Variants in RYR3 observed in about 807,000 individuals in gnomAD.
RYR3 encodes the protein brain ryanodine receptor-calcium release channel.
A neutral mutation model predicts 584.3 loss-of-function variants in RYR3; 207 were observed. The ratio of observed to expected loss-of-function variants is 0.35; its 90% CI spans 0.32 to 0.40. The LOEUF is 0.40. Ranked by LOEUF, RYR3 falls within the 10% of genes least tolerant of loss-of-function variation. RYR3 has a pLI of 1.00. For synonymous variants in RYR3, 2,416 were observed against 2,248.5 expected (o/e 1.07, Z -2.11); for missense variants, 5,616 against 6,089.2 (o/e 0.92, Z 2.59).
At chr15:33,721,962 C>G (rs1172199133) in intron 43 of RYR3, among the ~76,000 whole-genome samples, 1 of 152,178 alleles carries the variant, frequency 6.6e-6, no homozygotes, top group African/African-American at 2.4e-5. Flanking sequence ...CTAACCTCTG[C>G]CTTCCCACAG....
rs199964506 is a variant in RYR3 at position 33,841,871 on chromosome 15, G to T, written c.13045G>T (p.Asp4349Tyr). Residue 4349 changes from aspartate (D) to tyrosine (Y), a missense_variant, in exon 91 of 104, where the codon GAT (aspartate) becomes TAT (tyrosine). Physicochemically the swap from Asp to Tyr is radical, Grantham distance 160. This residue lies in a region of RYR3 where 918 missense variants were observed against 887.4 expected (regional missense o/e 1.03). Transcript: ENST00000634891. ...GGTTTCCCATTTCTGCAGCATGGAA[G>T]ATGGAGAGAAGGAAGACAAAGACAA... ...KVESEKADME[D>Y]GEKEDKDKEE... 6.0e-5 allele frequency: 96 copies of T among 1,592,372 alleles called. No individual in the cohort carries two copies. The African/African-American group carries it at 1.2e-3, about 21-fold the overall frequency.
intron 62 of RYR3, among the ~76,000 whole-genome samples, chr15:33,770,104 TAG>T (rs997333753): frequency 1.8e-4 from 26 of 145,628 alleles, no homozygotes; most frequent in African/African-American, 6.4e-4. Context: ...CTGAATAATG[TAG>T]AGAGACCTCA....
chr15:33,776,478 G>A (rs1294005989), intron 64 of RYR3, among the ~76,000 whole-genome samples: 7 of 152,174 alleles, frequency 4.6e-5, no homozygotes, highest in Admixed American at 6.5e-5. Context: ...TCTCAGTTTT[G>A]TTTCAAATGA....
At chr15:33,599,915 C>T (rs1365265757) in intron 16 of RYR3, among the ~76,000 whole-genome samples, 2 of 152,174 alleles carry the variant, frequency 1.3e-5, no homozygotes, top group African/African-American at 2.4e-5. Flanking sequence ...GCTGTTCCTA[C>T]TGTATGTGGA....
chr15:33,358,805 T>C (rs1294581265), intron 1 of RYR3, among the ~76,000 whole-genome samples: 2 of 152,224 alleles, frequency 1.3e-5, no homozygotes, highest in Non-Finnish European at 2.9e-5. Context: ...AGGCACTTTC[T>C]TCTCCTGAGG....
At chr15:33,419,498 A>G (rs1446873819) in intron 1 of RYR3, among the ~76,000 whole-genome samples, 2 of 152,034 alleles carry the variant, frequency 1.3e-5, no homozygotes, top group African/African-American at 2.4e-5. Flanking sequence ...CCTTCCTTCC[A>G]TCTATCATTC....
In RYR3 at chr15:33,853,617, C is replaced by G. The variant is rs372037224; in HGVS notation, c.13734C>G (p.Asp4578Glu). 3.7e-6 allele frequency: 6 copies of G among 1,613,804 alleles called. No individual in the cohort carries two copies. Among genetic ancestry groups the G allele is most frequent in the Non-Finnish European group, 5.1e-6 (6 of 1,179,888 alleles). Residue 4578 changes from aspartate to glutamate, a missense_variant, in exon 96 of 104, where the codon GAC becomes GAG. Around this residue, in one of 9 missense-constraint regions of RYR3, gnomAD observed 918 missense variants for 887.4 expected, o/e 1.03. Transcript: ENST00000634891. Reference sequence around the variant, plus strand: ...GCATTGCTGAACTTCTGGGTTTGGACAAAAATGCTCTTGACTTTAGCCCAG... The same window carrying G: ...GCATTGCTGAACTTCTGGGTTTGGAGAAAAATGCTCTTGACTTTAGCCCAG... ...AERIAELLGL[D>E]KNALDFSPVE...
intron 1 of RYR3, among the ~76,000 whole-genome samples, chr15:33,466,303 A>G (rs2048482002): frequency 6.6e-6 from 1 of 152,228 alleles, no homozygotes; most frequent in Non-Finnish European, 1.5e-5. Flanking sequence ...GTGCTAGTGA[A>G]CAGAAAAAAC....
chr15:33,789,579 G>A (rs1370920245), intron 67 of RYR3, among the ~76,000 whole-genome samples: 7 of 118,652 alleles, frequency 5.9e-5, no homozygotes, highest in African/African-American at 2.3e-4. Flanking sequence ...ACTAAACATC[G>A]CTGATTGCAA....
In RYR3 at chr15:33,531,647, A is replaced by ATT. The variant is rs5811767; in HGVS notation, c.354+989_354+990dup. On this transcript the variant is annotated intron_variant, in intron 4 of 103. Transcript: ENST00000634891. Reference sequence around the variant, plus strand: ...TTTGCTGCAGCATATATATATATATATTTTTTTTTCTGAGCACTGGTAAGA... The same window carrying ATT: ...TTTGCTGCAGCATATATATATATATATTTTTTTTTTTCTGAGCACTGGTAAGA... 9.0e-3 allele frequency among the ~76,000 whole-genome samples: 1,232 copies of ATT among 137,638 alleles called. 12 individuals carry two copies. The highest frequency in any genetic ancestry group is 0.011 in the Non-Finnish European group (686 of 61,256). The allele number at this position is 137,638 out of a possible 152,430, so 90.3% of individuals were successfully genotyped here.
intron 57 of RYR3, among the ~76,000 whole-genome samples, chr15:33,750,894 C>T (rs1036903857): frequency 6.6e-6 from 1 of 152,286 alleles, no homozygotes; most frequent in Admixed American, 6.5e-5. Context: ...CCCACAGGCC[C>T]TGGGGTGTGA....
chr15:33,503,797 G>T, intron 3 of RYR3, 59 bp downstream of exon 3: 2 of 964,488 alleles, frequency 2.1e-6, no homozygotes, highest in Non-Finnish European at 3.3e-6. Flanking sequence ...CCCAAAATAC[G>T]TTCTACATTT....
intron 1 of RYR3, among the ~76,000 whole-genome samples, chr15:33,470,884 T>A (rs553935601): frequency 6.6e-6 from 1 of 152,276 alleles, no homozygotes; most frequent in African/African-American, 2.4e-5. Context: ...TGCCCAGATC[T>A]GATTTAAAGC....
At position 33,311,004 on chromosome 15, in the gene RYR3, A is replaced by G; in HGVS notation, c.-42A>G. The G allele has an allele frequency of 6.5e-7, 1 of 1,532,670 alleles. No homozygotes were observed. Among genetic ancestry groups the G allele is most frequent in the Non-Finnish European group, 8.9e-7 (1 of 1,129,218 alleles). 94.9% of individuals were successfully genotyped at this position (1,532,670 alleles called of 1,614,324 possible). ...ACGCCGAGCGGCTGCCGGGGGAAGC[A>G]GAGGCGCCGGAGGCTGGGGCACCGC... On this transcript the variant is annotated 5_prime_UTR_variant, in exon 1 of 104. Transcript: ENST00000634891. The surrounding 1 kb of genome is among the most constrained non-coding windows in gnomAD (Gnocchi z 4.4).
chr15:33,619,792 T>A (rs1055017314), intron 19 of RYR3, among the ~76,000 whole-genome samples: 5 of 152,050 alleles, frequency 3.3e-5, no homozygotes, highest in African/African-American at 1.2e-4. Context: ...CCCTCTAGAG[T>A]TGAGACCCAG....
At chr15:33,402,145 T>G (rs116746208) in intron 1 of RYR3, among the ~76,000 whole-genome samples, 1 of 152,298 alleles carries the variant, frequency 6.6e-6, no homozygotes, top group African/African-American at 2.4e-5. Context: ...ATGTTGCATT[T>G]CAACATTTAA....
rs201961808 is a variant in RYR3, at chr15:33,772,017, A to G, written c.8914A>G (p.Lys2972Glu). The change falls in exon 63 of 104, where the codon AAA (lysine) becomes GAA (glutamate). Residue 2972 changes from lysine to glutamate, a missense_variant. Coordinates refer to ENST00000634891, the MANE Select transcript of RYR3 (RefSeq NM_001036.6). ...EDLEKTSENL[K>E]LGKFTHSRTQ... ...TTTGGAGAAGACTTCAGAAAACCTGAAACTTGGGAAGTTCACCCATTCCCG... is the reference window on the plus strand; with the variant it reads ...TTTGGAGAAGACTTCAGAAAACCTGGAACTTGGGAAGTTCACCCATTCCCG... 72 of 1,613,752 alleles carry G rather than the reference A, an allele frequency of 4.5e-5. No individual in the cohort carries two copies. The Admixed American group carries it at 1.2e-3, about 27-fold the overall frequency.
At chr15:33,808,884 A>C (rs536574451) in intron 70 of RYR3, among the ~76,000 whole-genome samples, 1 of 152,212 alleles carries the variant, frequency 6.6e-6, no homozygotes, top group East Asian at 1.9e-4. Flanking sequence ...GTTTTGGAGC[A>C]CTGGACGCAA....
At chr15:33,850,935 G>A (rs142966976) in intron 94 of RYR3, 28 of 152,100 alleles carry the variant, frequency 1.8e-4, no homozygotes, top group African/African-American at 6.7e-4. Flanking sequence ...TCCCACTTAG[G>A]TATTTGTCCC....
Sources: allele counts gnomAD v4.1 joint callset (sites outside exome capture counted in the v4.1 genomes callset), GRCh38; gene constraint gnomAD v4.1.1; regional missense constraint gnomAD v4.1.1; non-coding constraint Gnocchi (gnomAD v3.1); transcripts MANE v1.5; gene names NCBI Gene and HGNC (gene_info 2026-07-23, HGNC 2026-07-21).